UGGT2: variants seen among roughly 807,000 people sequenced by gnomAD.
UGGT2 encodes the protein UDP-glucose glycoprotein glucosyltransferase 2.
Under a neutral mutation model 192.1 loss-of-function variants are expected in UGGT2, and 180 were observed. The ratio of observed to expected loss-of-function variants is 0.94; its 90% CI spans 0.83 to 1.06. The LOEUF is 1.06. Among genes scored for constraint, UGGT2 ranks in the 50% least tolerant of loss-of-function variants. The probability of loss-of-function intolerance (pLI) is 0.00; values close to 1 mark genes in which losing one functional copy is unlikely to be tolerated. For missense variants in UGGT2, 1,849 were observed against 1,795.7 expected, an observed-to-expected ratio of 1.03 and a Z score of -0.54; for synonymous variants, 580 against 591.0, an observed-to-expected ratio of 0.98 and a Z score of 0.27.
chr13:95,856,404 A>C (rs1025074453), intron 33 of UGGT2, 64 bp from the exon 34 acceptor site: 25 of 1,542,298 alleles, frequency 1.6e-5, no homozygotes, highest in Non-Finnish European at 2.1e-5. Context: ...TTTAGAGAAA[A>C]AAATAACATT....
At chr13:95,887,420 AAG>A (rs2047676545) in intron 26 of UGGT2, 1 of 424,232 alleles carries the variant, frequency 2.4e-6, no homozygotes, top group African/African-American at 2.0e-5. Flanking sequence ...ATTTCAACAG[AAG>A]AGTGTTAATG....
At chr13:95,938,025 G>T (rs188177813) in intron 16 of UGGT2, among the ~76,000 whole-genome samples, 1 of 152,244 alleles carries the variant, frequency 6.6e-6, no homozygotes, top group Admixed American at 6.5e-5. Context: ...GAGATCTGCT[G>T]GTTTTATAAG....
intron 21 of UGGT2, among the ~76,000 whole-genome samples, chr13:95,902,525 C>T (rs189786045): frequency 2.4e-4 from 36 of 151,312 alleles, no homozygotes; most frequent in African/African-American, 8.8e-4. Context: ...CGTTGAAACC[C>T]CCCCCATAAT....
intron 17 of UGGT2, among the ~76,000 whole-genome samples, chr13:95,933,054 G>T (rs2049340724): frequency 6.6e-6 from 1 of 152,010 alleles, no homozygotes; most frequent in South Asian, 2.1e-4. Context: ...TTCATTGCAT[G>T]TTTGCCAGGT....
intron 7 of UGGT2, among the ~76,000 whole-genome samples, chr13:95,994,714 A>G (rs984339810): frequency 3.9e-5 from 6 of 152,054 alleles, no homozygotes; most frequent in Non-Finnish European, 5.9e-5. Context: ...AGAATAAAGA[A>G]AAGTACTACT....
At chr13:95,994,097 G>C (rs2051542798) in intron 7 of UGGT2, among the ~76,000 whole-genome samples, 1 of 152,038 alleles carries the variant, frequency 6.6e-6, no homozygotes, top group Non-Finnish European at 1.5e-5. Flanking sequence ...CAAGCTAAAG[G>C]TCCAATATTA....
intron 37 of UGGT2, among the ~76,000 whole-genome samples, chr13:95,834,234 T>C (rs1239414703): frequency 3.3e-5 from 5 of 152,138 alleles, no homozygotes; most frequent in African/African-American, 1.2e-4. Flanking sequence ...TGTGTGTGTG[T>C]GTATGTGTGT....
chr13:96,001,750 T>C (rs541878795), intron 5 of UGGT2, among the ~76,000 whole-genome samples: 5 of 152,196 alleles, frequency 3.3e-5, no homozygotes, highest in African/African-American at 4.8e-5. Context: ...TCTACTTTTA[T>C]AGACAGTTAC....
intron 12 of UGGT2, among the ~76,000 whole-genome samples, chr13:95,969,462 T>C (rs1362964579): frequency 6.6e-6 from 1 of 152,126 alleles, no homozygotes; most frequent in Non-Finnish European, 1.5e-5. Context: ...TCTGGATTGT[T>C]AAGGAAAGTT....
intron 17 of UGGT2, among the ~76,000 whole-genome samples, chr13:95,933,741 G>A (rs1454915041): frequency 6.6e-6 from 1 of 152,102 alleles, no homozygotes; most frequent in Non-Finnish European, 1.5e-5. Flanking sequence ...GAGTGCAGTG[G>A]CTGTATCTCG....
Position 96,016,198 on chromosome 13 carries a change from A to G in UGGT2, c.486-2717T>C, listed in dbSNP as rs76900546. On this transcript the variant is annotated intron_variant, in intron 4 of 38. Coordinates refer to ENST00000376747, the MANE Select transcript of UGGT2 (RefSeq NM_020121.4). Reference sequence around the variant, plus strand: ...ATATTTAAGAGGGAAGCAGAACATAAAAGTTTGAAAAATTTGCAGCCCTAG... The same window carrying G: ...ATATTTAAGAGGGAAGCAGAACATAGAAGTTTGAAAAATTTGCAGCCCTAG... Among the ~76,000 whole-genome samples the G allele has an allele frequency of 1.2e-3, 190 of 152,352 alleles. 2 individuals are homozygous for G. The highest frequency in any genetic ancestry group is 4.4e-3 in the African/African-American group (185 of 41,580).
intron 35 of UGGT2, 85 bp from the exon 36 acceptor site, chr13:95,853,742 G>A (rs915531562): frequency 1.1e-5 from 9 of 809,576 alleles, no homozygotes; most frequent in East Asian, 2.8e-5. Context: ...CTACAGTGAC[G>A]GTATTAACTA....
chr13:95,927,280 A>G lies in UGGT2; in HGVS notation c.2034T>C (p.Val678=), dbSNP rs148549197. 256 of 1,611,912 alleles carry G rather than the reference A, an allele frequency of 1.6e-4. 1 individual carries two copies. Among genetic ancestry groups the G allele is most frequent in the Non-Finnish European group, 1.2e-4 (143 of 1,179,402 alleles). Residue 678 remains valine (V), a synonymous_variant, in exon 18 of 39, where the codon GTT becomes GTC. Transcript: ENST00000376747. The part of the protein sequence containing the change: ...AIDFLMDRNN[V]VPRINTLILR... ...AAATCAAAGTATTTATACGGGGTAC[A>G]ACATTATTCCTATCCATTAGAAAAT...
chr13:95,803,282 C>T (rs974317124), intron 38 of UGGT2, among the ~76,000 whole-genome samples: 19 of 151,642 alleles, frequency 1.3e-4, no homozygotes, highest in African/African-American at 1.7e-4. Flanking sequence ...TTTTTGGAGA[C>T]GAAGTTTCAC....
chr13:95,989,128 A>G (rs1304518671), intron 8 of UGGT2, among the ~76,000 whole-genome samples: 1 of 152,114 alleles, frequency 6.6e-6, no homozygotes, highest in East Asian at 1.9e-4. Flanking sequence ...AACTGTGTTA[A>G]GAGTGGCAGC....
At chr13:95,867,505 C>T in intron 29 of UGGT2, 82 bp from the exon 30 acceptor site, 1 of 1,171,236 alleles carries the variant, frequency 8.5e-7, no homozygotes. Flanking sequence ...ACTCATTTTG[C>T]AATAAACGTA....
intron 17 of UGGT2, among the ~76,000 whole-genome samples, chr13:95,930,443 G>A (rs1323861500): frequency 1.3e-5 from 2 of 152,226 alleles, no homozygotes; most frequent in African/African-American, 2.4e-5. Flanking sequence ...AGTTTTGAAC[G>A]TGGTGAAAAG....
Position 95,996,070 on chromosome 13 carries a change from T to C in UGGT2, c.823A>G (p.Lys275Glu), listed in dbSNP as rs763615890. The part of the protein sequence containing the change: ...TNEVQGFLFG[K>E]LKEIYSDLRD... ...ATTTCCATTCAGACTTACTTTAGTT[T>C]CCCAAAGAGAAATCCTTGAACTTCA... The change falls in exon 7 of 39, where the codon AAA becomes GAA. Residue 275 changes from lysine (K) to glutamate (E), a missense_variant. Physicochemically the swap from Lys to Glu is moderately conservative, Grantham distance 56. Transcript: ENST00000376747. 6.2e-7 allele frequency: 1 copy of C among 1,613,168 alleles called. No individual in the cohort carries two copies. The highest frequency in any genetic ancestry group is 1.3e-5 in the African/African-American group (1 of 74,902).
intron 38 of UGGT2, among the ~76,000 whole-genome samples, chr13:95,821,289 G>A (rs1032194680): frequency 6.6e-6 from 1 of 152,126 alleles, no homozygotes; most frequent in Non-Finnish European, 1.5e-5. Flanking sequence ...ATTCTTGCAG[G>A]AGTAAGGTGG....
Sources: gnomAD v4.1 joint callset for allele counts (sites outside exome capture counted in the v4.1 genomes callset) on GRCh38, gnomAD v4.1.1 for gene constraint, MANE v1.5 for transcripts, NCBI Gene and HGNC (gene_info 2026-07-23, HGNC 2026-07-21) for gene names.